The following DOCK4 variants were observed in gnomAD, a reference collection of about 807,000 sequenced individuals.
DOCK4 encodes the protein dedicator of cytokinesis protein 4.
In DOCK4, 97 loss-of-function variants were observed where a neutral mutation model predicts 268.1. That is an observed-to-expected ratio of 0.36 (90% confidence interval 0.31 to 0.43). DOCK4 has a LOEUF of 0.43. Ranked by LOEUF, DOCK4 falls within the 20% of genes least tolerant of loss-of-function variation. The pLI is 1.00. For synonymous variants in DOCK4, 954 were observed against 887.2 expected (o/e 1.08, Z -1.34); for missense variants, 2,145 against 2,455.7 (o/e 0.87, Z 2.67).
intron 27 of DOCK4, chr7:111,819,689 C>G (rs1487981223): frequency 1.3e-5 from 2 of 152,126 alleles, no homozygotes; most frequent in African/African-American, 2.4e-5. Flanking sequence ...GAAGAAAGGA[C>G]CAACACATAA....
chr7:111,811,437 A>C (rs1330515863), intron 28 of DOCK4, among the ~76,000 whole-genome samples: 1 of 152,208 alleles, frequency 6.6e-6, no homozygotes, highest in African/African-American at 2.4e-5. Flanking sequence ...TATCATAGAT[A>C]TACAGAGGGT....
At chr7:112,153,857 G>C (rs1443192859) in intron 1 of DOCK4, among the ~76,000 whole-genome samples, 1 of 152,176 alleles carries the variant, frequency 6.6e-6, no homozygotes, top group Non-Finnish European at 1.5e-5. Flanking sequence ...GTACTTCGGA[G>C]GATAGAAAGT....
rs1310233800 is a variant in DOCK4 at position 112,170,319 on chromosome 7, G to A, written c.37+35783C>T. 2.6e-5 allele frequency among the ~76,000 whole-genome samples: 4 copies of A among 151,860 alleles called. No homozygotes were observed. In the East Asian group the frequency reaches 7.8e-4, roughly 30 times the overall value. ...TTTAAAAATAAAAAAAAATTAGCCA[G>A]GCATGGTGGCACATGCCTATAATCC... On this transcript the variant is annotated intron_variant, in intron 1 of 52. Coordinates refer to ENST00000428084, the MANE Select transcript of DOCK4 (RefSeq NM_001363540.2).
At chr7:112,180,277 G>A (rs969934772) in intron 1 of DOCK4, among the ~76,000 whole-genome samples, 3 of 152,166 alleles carry the variant, frequency 2.0e-5, no homozygotes, top group Admixed American at 6.5e-5. Flanking sequence ...GGAGAACCTT[G>A]CTCTCCCAAA....
At chr7:112,071,220 T>C (rs941340056) in intron 1 of DOCK4, among the ~76,000 whole-genome samples, 2 of 152,234 alleles carry the variant, frequency 1.3e-5, no homozygotes, top group Admixed American at 1.3e-4. Context: ...GCTCTCCTCC[T>C]GATATCTTGT....
chr7:112,162,646 A>G (rs1817238861), intron 1 of DOCK4, among the ~76,000 whole-genome samples: 1 of 152,074 alleles, frequency 6.6e-6, no homozygotes, highest in South Asian at 2.1e-4. Flanking sequence ...GAAACTCCAT[A>G]TAACCTCTGC....
At chr7:111,854,163 A>G (rs1804815217) in intron 23 of DOCK4, among the ~76,000 whole-genome samples, 1 of 152,166 alleles carries the variant, frequency 6.6e-6, no homozygotes, top group Non-Finnish European at 1.5e-5. Context: ...TTCTGCCTCC[A>G]AAGAAAGAAG....
intron 51 of DOCK4, among the ~76,000 whole-genome samples, chr7:111,734,393 C>T (rs1795322998): frequency 6.6e-6 from 1 of 152,126 alleles, no homozygotes; most frequent in Non-Finnish European, 1.5e-5. Context: ...TGTCATGCTG[C>T]CCAGGCTGGT....
Position 111,783,853 on chromosome 7 carries a change from T to A in DOCK4, c.3524+4A>T. 7 of 1,595,550 alleles carry A rather than the reference T, an allele frequency of 4.4e-6. No individual in the cohort carries two copies. Among genetic ancestry groups the A allele is most frequent in the Non-Finnish European group, 6.0e-6 (7 of 1,170,314 alleles). ...AGTTCAGAAAAACATGCGACTTGGC[T>A]TACCTGTAATCTAACAACCTCTCCA... is the stretch of plus-strand genomic sequence containing the variant. On this transcript the variant is annotated splice_donor_region_variant and intron_variant, in intron 34 of 52. Coordinates refer to ENST00000428084, the MANE Select transcript of DOCK4 (RefSeq NM_001363540.2).
At chr7:111,749,983 T>C (rs77652686) in intron 42 of DOCK4, among the ~76,000 whole-genome samples, 2,578 of 152,260 alleles carry the variant, frequency 0.017, 30 homozygotes, top group Middle Eastern at 0.041. Flanking sequence ...AAGGGGACGG[T>C]CAAAGAAGTG....
At chr7:112,069,515 T>C (rs1265543058) in intron 1 of DOCK4, among the ~76,000 whole-genome samples, 4 of 152,188 alleles carry the variant, frequency 2.6e-5, no homozygotes, top group African/African-American at 4.8e-5. Flanking sequence ...CTCAGTTTCC[T>C]TACCTCTAAG....
intron 32 of DOCK4, chr7:111,784,412 C>A (rs1363717973): frequency 1.6e-6 from 1 of 612,896 alleles, no homozygotes; most frequent in Non-Finnish European, 3.0e-6. Flanking sequence ...TTCATCCAAG[C>A]AATTTTACTG....
intron 7 of DOCK4, among the ~76,000 whole-genome samples, chr7:111,984,021 A>G (rs182880286): frequency 7.9e-4 from 121 of 152,234 alleles, no homozygotes; most frequent in Non-Finnish European, 4.4e-5. Context: ...ATTTCACTAC[A>G]CTAGACAAAA....
intron 1 of DOCK4, among the ~76,000 whole-genome samples, chr7:112,034,502 C>T (rs1201626825): frequency 2.6e-5 from 4 of 152,166 alleles, no homozygotes; most frequent in African/African-American, 9.7e-5. Context: ...AGACTAGACT[C>T]TTGTATGTAC....
At chr7:111,802,762 C>T (rs60392432) in intron 30 of DOCK4, among the ~76,000 whole-genome samples, 11,182 of 152,036 alleles carry the variant, frequency 0.074, 1,387 homozygotes, top group African/African-American at 0.25. Flanking sequence ...AAATTTCAAA[C>T]GCACACAAAA....
At chr7:111,889,095 T>C (rs1448141488) in intron 16 of DOCK4, among the ~76,000 whole-genome samples, 1 of 152,174 alleles carries the variant, frequency 6.6e-6, no homozygotes, top group Admixed American at 6.5e-5. Context: ...CCCTAAGTGC[T>C]AGGACTAAGT....
At chr7:111,903,825 C>A (rs953431830) in intron 13 of DOCK4, among the ~76,000 whole-genome samples, 1 of 152,114 alleles carries the variant, frequency 6.6e-6, no homozygotes, top group Non-Finnish European at 1.5e-5. Context: ...AATATATTGG[C>A]TAAAAACAGC....
intron 14 of DOCK4, among the ~76,000 whole-genome samples, chr7:111,901,428 T>G (rs1234519610): frequency 6.6e-6 from 1 of 150,970 alleles, no homozygotes; most frequent in African/African-American, 2.4e-5. Flanking sequence ...AAAGTTGTTG[T>G]TTTTTTTTCC....
intron 1 of DOCK4, among the ~76,000 whole-genome samples, chr7:112,092,793 A>G (rs867849910): frequency 6.6e-6 from 1 of 152,128 alleles, no homozygotes; most frequent in Non-Finnish European, 1.5e-5. Flanking sequence ...TTGAAACTGC[A>G]CTGTCCTTCT....
Sources: allele counts gnomAD v4.1 joint callset (sites outside exome capture counted in the v4.1 genomes callset), GRCh38; gene constraint gnomAD v4.1.1; transcripts MANE v1.5; gene names NCBI Gene and HGNC (gene_info 2026-07-23, HGNC 2026-07-21).